Variants in CSGALNACT1 observed in about 807,000 individuals in gnomAD.
The protein encoded by CSGALNACT1 is beta4GalNAcT-1.
Under a neutral mutation model 51.0 loss-of-function variants are expected in CSGALNACT1, and 52 were observed. The ratio of observed to expected loss-of-function variants is 1.02; its 90% CI spans 0.82 to 1.29. The LOEUF (loss-of-function observed/expected upper bound fraction) is 1.29. Ranked by LOEUF, CSGALNACT1 falls within the 50% of genes most tolerant of loss-of-function variation. The pLI is 0.00. For missense variants in CSGALNACT1, 935 were observed against 679.2 expected (o/e 1.38, Z -4.19); for synonymous variants, 341 against 254.4 (o/e 1.34, Z -3.24).
chr8:19,551,328 T>C (rs765564550), intron 3 of CSGALNACT1, among the ~76,000 whole-genome samples: 1 of 152,110 alleles, frequency 6.6e-6, no homozygotes, highest in East Asian at 1.9e-4. Context: ...TCCACCATTT[T>C]CTGAGCAAGC....
intron 3 of CSGALNACT1, among the ~76,000 whole-genome samples, chr8:19,583,722 T>C (rs2046054226): frequency 6.6e-6 from 1 of 152,204 alleles, no homozygotes; most frequent in Non-Finnish European, 1.5e-5. Flanking sequence ...AGTTTCAGCT[T>C]ATACTCTTCA....
chr8:19,518,788 T>A (rs1324724230), intron 3 of CSGALNACT1, among the ~76,000 whole-genome samples: 1 of 152,156 alleles, frequency 6.6e-6, no homozygotes, highest in Non-Finnish European at 1.5e-5. Context: ...CCTAAGCAGA[T>A]TGCAGGCAGA....
intron 1 of CSGALNACT1, among the ~76,000 whole-genome samples, chr8:19,658,830 T>C (rs1384925248): frequency 1.3e-5 from 2 of 152,202 alleles, no homozygotes; most frequent in Admixed American, 1.3e-4. Context: ...AAGCTTCAAC[T>C]ACTTTAAGGG....
intron 1 of CSGALNACT1, among the ~76,000 whole-genome samples, chr8:19,750,582 C>A (rs2064969409): frequency 6.6e-6 from 1 of 152,126 alleles, no homozygotes; most frequent in Non-Finnish European, 1.5e-5. Flanking sequence ...TTATTATCCC[C>A]ATTTTGCACA....
At chr8:19,596,194 T>A (rs1264577122) in intron 2 of CSGALNACT1, among the ~76,000 whole-genome samples, 1 of 152,142 alleles carries the variant, frequency 6.6e-6, no homozygotes, top group Admixed American at 6.5e-5. Flanking sequence ...AGGAAAGGTA[T>A]CACATTGTGG....
intron 1 of CSGALNACT1, among the ~76,000 whole-genome samples, chr8:19,735,939 T>A (rs1748787435): frequency 6.6e-6 from 1 of 152,184 alleles, no homozygotes; most frequent in African/African-American, 2.4e-5. Context: ...TTTTATACAA[T>A]CAATTTTATC....
At chr8:19,588,475 T>C (rs532267555) in intron 3 of CSGALNACT1, among the ~76,000 whole-genome samples, 13 of 152,334 alleles carry the variant, frequency 8.5e-5, no homozygotes, top group Admixed American at 7.2e-4. Flanking sequence ...TTATATCCTA[T>C]ACAAATACTG....
At chr8:19,631,751 TA>T (rs2055291204) in intron 1 of CSGALNACT1, among the ~76,000 whole-genome samples, 1 of 152,330 alleles carries the variant, frequency 6.6e-6, no homozygotes, top group South Asian at 2.1e-4. Flanking sequence ...AGGAGCCTCA[TA>T]AAGGCACTTT....
intron 1 of CSGALNACT1, among the ~76,000 whole-genome samples, chr8:19,628,251 T>G (rs1415456030): frequency 3.3e-5 from 5 of 152,170 alleles, no homozygotes; most frequent in African/African-American, 1.2e-4. Context: ...TGGGGAGGCC[T>G]CAGGAAACTT....
At chr8:19,615,575 T>C (rs1186759630) in intron 1 of CSGALNACT1, among the ~76,000 whole-genome samples, 1 of 152,156 alleles carries the variant, frequency 6.6e-6, no homozygotes, top group East Asian at 1.9e-4. Context: ...TAGAGAATTA[T>C]AAGAAACATT....
chr8:19,450,495 G>T (rs1272847259), intron 5 of CSGALNACT1, among the ~76,000 whole-genome samples: 1 of 152,064 alleles, frequency 6.6e-6, no homozygotes, highest in Non-Finnish European at 1.5e-5. Context: ...GCATCCGGGG[G>T]AGAAGAAACT....
chr8:19,498,639 CAT>C (rs1192200829), intron 4 of CSGALNACT1, among the ~76,000 whole-genome samples: 1 of 152,138 alleles, frequency 6.6e-6, no homozygotes, highest in African/African-American at 2.4e-5. Context: ...ACACAGAACA[CAT>C]GTCCTTCCAA....
At chr8:19,611,445 G>A (rs1360180343) in intron 1 of CSGALNACT1, among the ~76,000 whole-genome samples, 1 of 152,096 alleles carries the variant, frequency 6.6e-6, no homozygotes, top group Non-Finnish European at 1.5e-5. Context: ...TGTAAACCAC[G>A]CCCCAATCTA....
At chr8:19,454,586 G>A (rs774598462) in intron 5 of CSGALNACT1, among the ~76,000 whole-genome samples, 7 of 152,074 alleles carry the variant, frequency 4.6e-5, no homozygotes, top group Admixed American at 2.6e-4. Flanking sequence ...CAGGAGAATC[G>A]CTTGAACCTG....
chr8:19,448,828 A>T (rs1433034944), intron 5 of CSGALNACT1, among the ~76,000 whole-genome samples: 1 of 152,180 alleles, frequency 6.6e-6, no homozygotes. Context: ...ATGCAAATGA[A>T]ATGACATGTA....
exon 4 of CSGALNACT1, chr8:19,505,961 T>G (rs765254728): frequency 3.7e-6 from 4 of 1,070,888 alleles, no homozygotes; most frequent in Non-Finnish European, 5.6e-6. Flanking sequence ...TGCATCCATT[T>G]CCTTCTAGAA....
At chr8:19,478,309 G>A (rs2070347055) in intron 4 of CSGALNACT1, among the ~76,000 whole-genome samples, 1 of 151,774 alleles carries the variant, frequency 6.6e-6, no homozygotes, top group Admixed American at 6.6e-5. Flanking sequence ...AGCTACTCGG[G>A]AGGCTGAGGC....
At chr8:19,476,584 T>C (rs755046270) in intron 4 of CSGALNACT1, among the ~76,000 whole-genome samples, 1 of 152,054 alleles carries the variant, frequency 6.6e-6, no homozygotes. Flanking sequence ...GCCCAAATTC[T>C]TTGGCAATGT....
chr8:19,686,179 G>A (rs529502888), upstream of CSGALNACT1, among the ~76,000 whole-genome samples: 1 of 152,102 alleles, frequency 6.6e-6, no homozygotes, highest in Non-Finnish European at 1.5e-5. Flanking sequence ...GGACTGACAA[G>A]GACCCCCCAA....
Sources: allele counts gnomAD v4.1 joint callset (sites outside exome capture counted in the v4.1 genomes callset), GRCh38; gene constraint gnomAD v4.1.1; transcripts MANE v1.5; gene names NCBI Gene and HGNC (gene_info 2026-07-23, HGNC 2026-07-21).